Variants in PEX5L observed in about 807,000 individuals in gnomAD.
The protein encoded by PEX5L is PEX5-related protein.
PEX5L carries 30 observed loss-of-function variants against 84.0 expected under a neutral mutation model. The observed-to-expected ratio is 0.36, with a 90% CI of 0.27 to 0.48. The LOEUF is 0.48. PEX5L is among the 20% of genes least tolerant of loss of function. PEX5L has a pLI of 0.99. For missense variants in PEX5L, 533 were observed against 754.6 expected (o/e 0.71, Z 3.44); for synonymous variants, 270 against 283.1 (o/e 0.95, Z 0.46).
In PEX5L at chr3:180,036,898, A is replaced by G; in HGVS notation, c.-299T>C. ...CGGGTCCTGCTCGCGGGGCGTCTCT[A>G]GAACTCACTCCTTCTTCGCCGAACT... is the stretch of plus-strand genomic sequence containing the variant. On this transcript the variant is annotated 5_prime_UTR_variant, in exon 1 of 15. Coordinates refer to ENST00000467460, the MANE Select transcript of PEX5L (RefSeq NM_016559.3). The G allele has an allele frequency of 2.1e-6, 1 of 483,896 alleles. No individual in the cohort carries two copies. Among genetic ancestry groups the G allele is most frequent in the East Asian group, 3.4e-5 (1 of 29,256 alleles). 30.0% of individuals were successfully genotyped at this position (483,896 alleles called of 1,614,324 possible).
intron 1 of PEX5L, among the ~76,000 whole-genome samples, chr3:180,021,585 C>T (rs569599887): frequency 2.6e-5 from 4 of 152,234 alleles, no homozygotes; most frequent in African/African-American, 9.6e-5. Flanking sequence ...GAGAGAGGAG[C>T]GGATGACTCC....
chr3:179,946,313 C>T (rs1456119363), intron 2 of PEX5L, among the ~76,000 whole-genome samples: 1 of 152,146 alleles, frequency 6.6e-6, no homozygotes, highest in African/African-American at 2.4e-5. Context: ...GGTGCTCTCA[C>T]TTGCCTTCCA....
chr3:180,023,903 AC>A (rs983105471), intron 1 of PEX5L, among the ~76,000 whole-genome samples: 1 of 150,220 alleles, frequency 6.7e-6, no homozygotes, highest in African/African-American at 2.5e-5. Context: ...GGTAGAGGAG[AC>A]CCCCTTCAAA....
chr3:179,893,688 A>G (rs1758301776), intron 3 of PEX5L, among the ~76,000 whole-genome samples: 1 of 152,154 alleles, frequency 6.6e-6, no homozygotes, highest in Non-Finnish European at 1.5e-5. Flanking sequence ...AAAGTAAAAT[A>G]TTCTGTTTTT....
chr3:180,033,580 A>C (rs1172141479), intron 1 of PEX5L, among the ~76,000 whole-genome samples: 1 of 152,240 alleles, frequency 6.6e-6, no homozygotes, highest in African/African-American at 2.4e-5. Flanking sequence ...GCACATAGGC[A>C]AATAATCACC....
chr3:179,859,524 T>C (rs1467519587), intron 7 of PEX5L, among the ~76,000 whole-genome samples: 1 of 152,232 alleles, frequency 6.6e-6, no homozygotes, highest in Non-Finnish European at 1.5e-5. Context: ...CCATTACAAG[T>C]CTAGCTTTAG....
chr3:179,976,205 C>G lies in PEX5L; in HGVS notation c.22-4540G>C, dbSNP rs1316166689. Among the ~76,000 whole-genome samples the G allele has an allele frequency of 1.3e-5, 2 of 152,134 alleles. 1 individual carries two copies. Among genetic ancestry groups the G allele is most frequent in the Middle Eastern group, 6.4e-3 (2 of 314 alleles). On this transcript the variant is annotated intron_variant, in intron 1 of 14. Transcript: ENST00000467460. ...ATGCAGGTGGCGAATTAGTGGAATA[C>G]AGTCAAAGGAAACAGAGTTCTGATA...
At chr3:179,914,951 A>T (rs913444365) in intron 2 of PEX5L, among the ~76,000 whole-genome samples, 2 of 141,824 alleles carry the variant, frequency 1.4e-5, no homozygotes, top group African/African-American at 6.2e-5. Flanking sequence ...AAGATTGGCT[A>T]AAAAAAAATC....
At chr3:179,973,955 C>T (rs1785404297) in intron 1 of PEX5L, 14 of 985,310 alleles carry the variant, frequency 1.4e-5, no homozygotes, top group Non-Finnish European at 1.6e-5. Context: ...TTTTCTAGTT[C>T]ACCCCATAAC....
intron 2 of PEX5L, among the ~76,000 whole-genome samples, chr3:179,921,322 G>T (rs1209365077): frequency 6.6e-6 from 1 of 152,082 alleles, no homozygotes; most frequent in Non-Finnish European, 1.5e-5. Context: ...TGTCACACTA[G>T]AGCACAATAC....
intron 3 of PEX5L, among the ~76,000 whole-genome samples, chr3:179,890,466 T>C (rs1018566709): frequency 1.3e-5 from 2 of 152,218 alleles, no homozygotes; most frequent in East Asian, 3.8e-4. Flanking sequence ...AGTATGAATA[T>C]GTATGGACAA....
intron 2 of PEX5L, among the ~76,000 whole-genome samples, chr3:179,904,507 A>C (rs375466861): frequency 6.6e-6 from 1 of 151,990 alleles, no homozygotes; most frequent in African/African-American, 2.4e-5. Context: ...ATGTATACTC[A>C]CTTTCCTTGG....
intron 3 of PEX5L, among the ~76,000 whole-genome samples, chr3:179,893,168 C>A (rs1758114190): frequency 6.6e-6 from 1 of 152,056 alleles, no homozygotes; most frequent in Admixed American, 6.6e-5. Flanking sequence ...CTCAGACTGG[C>A]CAGCTGATGT....
At chr3:179,949,263 C>G (rs1165243835) in intron 2 of PEX5L, among the ~76,000 whole-genome samples, 2 of 152,116 alleles carry the variant, frequency 1.3e-5, no homozygotes, top group Admixed American at 1.3e-4. Flanking sequence ...ATTCCAGCAT[C>G]CAGAGAAAAT....
intron 1 of PEX5L, among the ~76,000 whole-genome samples, chr3:179,975,348 T>A (rs774388303): frequency 3.9e-5 from 6 of 152,234 alleles, no homozygotes; most frequent in Non-Finnish European, 7.3e-5. Flanking sequence ...GGATATGAAT[T>A]TCTTAAAAGT....
intron 2 of PEX5L, among the ~76,000 whole-genome samples, chr3:179,952,089 C>G (rs2109974380): frequency 6.6e-6 from 1 of 152,286 alleles, no homozygotes; most frequent in Admixed American, 6.5e-5. Flanking sequence ...GCTTCTGCTA[C>G]TATACTTTGC....
intron 1 of PEX5L, among the ~76,000 whole-genome samples, chr3:179,995,040 C>T (rs1319997042): frequency 6.9e-6 from 1 of 144,656 alleles, no homozygotes; most frequent in Non-Finnish European, 1.5e-5. Context: ...TAATAAACTC[C>T]CCTATATATA....
intron 5 of PEX5L, among the ~76,000 whole-genome samples, chr3:179,877,261 A>C (rs1008156980): frequency 2.6e-5 from 4 of 152,228 alleles, no homozygotes; most frequent in Non-Finnish European, 5.9e-5. Flanking sequence ...TTGTCTGTAT[A>C]TACCACATTG....
chr3:179,937,591 C>G (rs1041731721), intron 2 of PEX5L, among the ~76,000 whole-genome samples: 7 of 152,164 alleles, frequency 4.6e-5, no homozygotes, highest in Non-Finnish European at 1.5e-5. Context: ...CTAGTTCCAA[C>G]TACACAGAAC....
Sources: allele counts gnomAD v4.1 joint callset (sites outside exome capture counted in the v4.1 genomes callset), GRCh38; gene constraint gnomAD v4.1.1; transcripts MANE v1.5; gene names NCBI Gene and HGNC (gene_info 2026-07-23, HGNC 2026-07-21).